The following CPA6 variants were observed in gnomAD, a reference collection of about 807,000 sequenced individuals.
CPA6 encodes the protein carboxypeptidase B.
CPA6 carries 58 observed loss-of-function variants against 63.3 expected under a neutral mutation model. The ratio of observed to expected loss-of-function variants is 0.92; its 90% confidence interval spans 0.74 to 1.14. The LOEUF is 1.14. Ranked by LOEUF, CPA6 falls within the 50% of genes most tolerant of loss-of-function variation. The pLI, the probability that CPA6 is intolerant of heterozygous loss-of-function variation, is 0.00. For missense variants in CPA6, 565 were observed against 526.6 expected (o/e 1.07, Z -0.71); for synonymous variants, 185 against 179.0 (o/e 1.03, Z -0.27).
chr8:67,718,285 A>AT lies in CPA6; in HGVS notation c.116+27728dup, dbSNP rs773189030. The stretch of plus-strand genomic sequence containing the variant: ...GCAAGGGTTTTAAGAATTGTGAGGT[A>AT]TTTTTTTTTAATGTTTTAAAAGCCA... On this transcript the variant is annotated intron_variant, in intron 1 of 10. Transcript: ENST00000297770. Among the ~76,000 whole-genome samples the AT allele has an allele frequency of 2.0e-4, 31 of 151,458 alleles. No individual in the cohort carries two copies. The East Asian group carries it at 2.7e-3, about 13-fold the overall frequency.
chr8:67,478,444 C>T lies in CPA6; in HGVS notation c.838+5324G>A, dbSNP rs532979065. Among the ~76,000 whole-genome samples, 11 of 152,258 alleles carry T rather than the reference C, an allele frequency of 7.2e-5. No individual in the cohort carries two copies. The South Asian group carries it at 2.3e-3, about 32-fold the overall frequency. ...ATTTATAGCCAGTCAGTCAGAAGTA[C>T]AGGTCACAAGCTGGCATTTGTAACT... On this transcript the variant is annotated intron_variant, in intron 8 of 10. Coordinates refer to ENST00000297770, the MANE Select transcript of CPA6 (RefSeq NM_020361.5).
At chr8:67,722,573 T>C (rs779827938) in intron 1 of CPA6, among the ~76,000 whole-genome samples, 2 of 152,204 alleles carry the variant, frequency 1.3e-5, no homozygotes, top group Admixed American at 6.5e-5. Context: ...AAAAGAATGA[T>C]GGTCCTTCCC....
Position 67,733,216 on chromosome 8 carries a change from A to T in CPA6, c.116+12798T>A, listed in dbSNP as rs866072148. Among the ~76,000 whole-genome samples the T allele has an allele frequency of 3.6e-3, 462 of 129,512 alleles. 12 individuals carry two copies. Among genetic ancestry groups the T allele is most frequent in the African/African-American group, 0.011 (413 of 36,930 alleles). 85.0% of individuals were successfully genotyped at this position (129,512 alleles called of 152,430 possible). A position where few individuals can be genotyped will look rare whatever the true frequency, so the allele number is the denominator to read the frequency against. On this transcript the variant is annotated intron_variant, in intron 1 of 10. Transcript: ENST00000297770. ...CATCTCAAAAAAAAAAAAAAAAAAA[A>T]AAAAAAAATAAAAAAATTTAGCGTC...
chr8:67,624,366 T>A (rs1815151116), intron 1 of CPA6, 115 bp from the exon 2 acceptor site: 2 of 552,720 alleles, frequency 3.6e-6, no homozygotes, highest in Non-Finnish European at 3.2e-6. Context: ...ACAGTGAAAC[T>A]TTTCACTGGC....
Position 67,605,580 on chromosome 8 carries a change from T to A in CPA6, c.192+18596A>T, listed in dbSNP as rs113825248. ...TTTTCCATCCATGGTTGTTTGAATA[T>A]GTGAATATGGATCCCATGGATGTGG... On this transcript the variant is annotated intron_variant, in intron 2 of 10. Coordinates refer to ENST00000297770, the MANE Select transcript of CPA6 (RefSeq NM_020361.5). Among the ~76,000 whole-genome samples the A allele has an allele frequency of 4.7e-3, 713 of 150,386 alleles. 3 individuals carry two copies. Among genetic ancestry groups the A allele is most frequent in the Non-Finnish European group, 7.3e-3 (494 of 67,648 alleles).
intron 2 of CPA6, among the ~76,000 whole-genome samples, chr8:67,551,781 G>A (rs1812944242): frequency 6.6e-6 from 1 of 152,026 alleles, no homozygotes; most frequent in African/African-American, 2.4e-5. Context: ...TTTTTGGTGT[G>A]GCTATTGGAA....
intron 1 of CPA6, among the ~76,000 whole-genome samples, chr8:67,626,472 A>T (rs1815196715): frequency 6.6e-6 from 1 of 152,180 alleles, no homozygotes; most frequent in Non-Finnish European, 1.5e-5. Flanking sequence ...TACAGCTTTG[A>T]TTTCCTCAAA....
intron 8 of CPA6, among the ~76,000 whole-genome samples, chr8:67,437,324 G>GGCGGAGCTTGTAGCGA (rs1427123490): frequency 6.6e-6 from 1 of 152,210 alleles, no homozygotes; most frequent in Admixed American, 6.5e-5. Context: ...GAACCCGGGA[G>GGCGGAGCTTGTAGCGA]GCGGAGCTTG....
rs1460903653 is a variant in CPA6 at position 67,461,476 on chromosome 8, C to T, written c.838+22292G>A. Among the ~76,000 whole-genome samples, 5 of 151,796 alleles carry T rather than the reference C, an allele frequency of 3.3e-5. No individual in the cohort carries two copies. In the South Asian group the frequency reaches 8.3e-4, roughly 25 times the overall value. ...ATGTCTACTACTTTCTACACAGACA[C>T]GGCAACCATCCGATTTCTCAATCTT... is the stretch of plus-strand genomic sequence containing the variant. On this transcript the variant is annotated intron_variant, in intron 8 of 10. Transcript: ENST00000297770.
chr8:67,744,303 G>T (rs1817967112), intron 1 of CPA6, among the ~76,000 whole-genome samples: 1 of 152,018 alleles, frequency 6.6e-6, no homozygotes, highest in Admixed American at 6.5e-5. Flanking sequence ...TATACACTTG[G>T]GATTAACTTA....
At chr8:67,536,630 T>A (rs1812590779) in intron 2 of CPA6, among the ~76,000 whole-genome samples, 1 of 152,224 alleles carries the variant, frequency 6.6e-6, no homozygotes, top group East Asian at 1.9e-4. Flanking sequence ...TATGCAATCA[T>A]GTCATCTGCA....
At position 67,653,426 on chromosome 8, in the gene CPA6, G is replaced by A. The variant is rs544507164; in HGVS notation, c.117-29175C>T. ...ATCCTCTTTTATTTCATTGAGCAGT[G>A]GTTTGTAGTTCTCCTTGAAGAGGTC... On this transcript the variant is annotated intron_variant, in intron 1 of 10. Coordinates refer to ENST00000297770, the MANE Select transcript of CPA6 (RefSeq NM_020361.5). Among the ~76,000 whole-genome samples the A allele has an allele frequency of 3.5e-3, 534 of 151,502 alleles. 4 individuals are homozygous for A. Among genetic ancestry groups the A allele is most frequent in the African/African-American group, 0.012 (498 of 41,374 alleles).
chr8:67,475,881 C>CTTT (rs1491556290), intron 8 of CPA6, among the ~76,000 whole-genome samples: 41 of 43,062 alleles, frequency 9.5e-4, no homozygotes, highest in East Asian at 2.1e-3. Flanking sequence ...CTTTCTTTCT[C>CTTT]CTTTCTTTCT....
At chr8:67,437,131 T>C (rs1447714864) in intron 8 of CPA6, among the ~76,000 whole-genome samples, 3 of 152,132 alleles carry the variant, frequency 2.0e-5, no homozygotes, top group Admixed American at 6.5e-5. Flanking sequence ...CGTGGTGGCT[T>C]ATGCTTGTAA....
intron 1 of CPA6, among the ~76,000 whole-genome samples, chr8:67,718,174 C>G (rs1232935074): frequency 1.3e-5 from 2 of 152,078 alleles, no homozygotes; most frequent in Non-Finnish European, 2.9e-5. Flanking sequence ...TTAAAGACTC[C>G]CCAACTCACA....
intron 1 of CPA6, among the ~76,000 whole-genome samples, chr8:67,716,337 T>C (rs1431048986): frequency 6.6e-6 from 1 of 152,002 alleles, no homozygotes; most frequent in Non-Finnish European, 1.5e-5. Flanking sequence ...GTCCTACACA[T>C]TTTAGGGAGA....
intron 1 of CPA6, among the ~76,000 whole-genome samples, chr8:67,662,702 G>A (rs577598304): frequency 2.6e-5 from 4 of 151,864 alleles, no homozygotes; most frequent in South Asian, 2.1e-4. Flanking sequence ...CTACTCCTGC[G>A]ATTAATGATT....
intron 1 of CPA6, among the ~76,000 whole-genome samples, chr8:67,700,762 T>G (rs1169521578): frequency 6.6e-6 from 1 of 152,172 alleles, no homozygotes; most frequent in Non-Finnish European, 1.5e-5. Flanking sequence ...TCAGGGGAGT[T>G]GCATTTTATA....
At chr8:67,590,248 C>T (rs2128980768) in intron 2 of CPA6, among the ~76,000 whole-genome samples, 1 of 151,294 alleles carries the variant, frequency 6.6e-6, no homozygotes, top group South Asian at 2.1e-4. Context: ...CATAGTATTC[C>T]ATGGTGTATA....
Sources: gnomAD v4.1 joint callset for allele counts (sites outside exome capture counted in the v4.1 genomes callset) on GRCh38, gnomAD v4.1.1 for gene constraint, MANE v1.5 for transcripts, NCBI Gene and HGNC (gene_info 2026-07-23, HGNC 2026-07-21) for gene names.